The following SSPN variants were observed in gnomAD, a reference collection of about 807,000 sequenced individuals.
SSPN encodes sarcospan, also known as K-ras oncogene-associated protein.
In SSPN, 15 loss-of-function variants were observed where a neutral mutation model predicts 19.1. That is an observed-to-expected ratio of 0.78 (90% CI 0.52 to 1.21). SSPN has a LOEUF of 1.21. Ranked by LOEUF, SSPN falls within the 50% of genes most tolerant of loss-of-function variation. The pLI is 0.00. For missense variants in SSPN, 291 were observed against 314.0 expected, an observed-to-expected ratio of 0.93 and a Z score of 0.55; for synonymous variants, 147 against 140.3, an observed-to-expected ratio of 1.05 and a Z score of -0.34.
At chr12:26,122,288 GGCGGCGGCGGCAGCGGCGGCGGCGGCT>G (rs756645873) in intron 1 of SSPN, 2 of 1,196,938 alleles carry the variant, frequency 1.7e-6, no homozygotes, top group Non-Finnish European at 2.1e-6. Context: ...GGAACGCGGC[GGCGGCGGCGGCAGCGGCGGCGGCGGCT>G]GCCGCGGCTG....
intron 1 of SSPN, among the ~76,000 whole-genome samples, chr12:26,203,339 G>A (rs1429596093): frequency 6.6e-6 from 1 of 152,124 alleles, no homozygotes; most frequent in Non-Finnish European, 1.5e-5. Context: ...ATCCAGAGCT[G>A]GATGGGACCT....
intron 1 of SSPN, among the ~76,000 whole-genome samples, chr12:26,162,388 C>A (rs934666593): frequency 2.0e-5 from 3 of 152,146 alleles, no homozygotes; most frequent in Admixed American, 2.0e-4. Context: ...ATTTGCTATT[C>A]TTATCCTCAG....
At chr12:26,135,506 G>A (rs2137400315) in intron 1 of SSPN, among the ~76,000 whole-genome samples, 1 of 152,224 alleles carries the variant, frequency 6.6e-6, no homozygotes, top group East Asian at 1.9e-4. Flanking sequence ...CAGGTCTGGA[G>A]GATGCGCTAC....
intron 1 of SSPN, among the ~76,000 whole-genome samples, chr12:26,161,601 A>G (rs529748467): frequency 5.7e-4 from 87 of 152,236 alleles, no homozygotes; most frequent in Non-Finnish European, 1.1e-3. Context: ...TATTGTTAGC[A>G]TCCCCAAATT....
At chr12:26,164,746 C>G (rs751910647) in intron 1 of SSPN, among the ~76,000 whole-genome samples, 8 of 152,034 alleles carry the variant, frequency 5.3e-5, no homozygotes, top group Non-Finnish European at 1.0e-4. Context: ...TTAAATTTTA[C>G]CCTGTTTTTG....
chr12:26,140,649 T>C (rs1174352012), intron 1 of SSPN, among the ~76,000 whole-genome samples: 4 of 152,128 alleles, frequency 2.6e-5, no homozygotes, highest in African/African-American at 9.7e-5. Flanking sequence ...TGTTTAAAAT[T>C]GTGTAGCACC....
intron 1 of SSPN, among the ~76,000 whole-genome samples, chr12:26,197,822 C>T (rs1291170493): frequency 2.0e-5 from 3 of 152,184 alleles, no homozygotes; most frequent in Non-Finnish European, 2.9e-5. Context: ...GTACATAGCC[C>T]TGATGAAATC....
At chr12:26,160,225 A>G (rs1944579637) in intron 1 of SSPN, among the ~76,000 whole-genome samples, 1 of 152,174 alleles carries the variant, frequency 6.6e-6, no homozygotes, top group African/African-American at 2.4e-5. Context: ...ACATAGGGTG[A>G]CTCTGTCTAT....
At chr12:26,124,261 C>A in intron 1 of SSPN, 2 of 559,558 alleles carry the variant, frequency 3.6e-6, no homozygotes, top group Non-Finnish European at 6.2e-6. Context: ...CTGCCCCCCC[C>A]GCCCCCCCAC....
intron 1 of SSPN, among the ~76,000 whole-genome samples, chr12:26,201,019 A>ATATATATATATATAT (rs1944873843): frequency 6.7e-5 from 3 of 44,784 alleles, no homozygotes; most frequent in Admixed American, 2.6e-4. Context: ...GTGTATATAT[A>ATATATATATATATAT]TATATATATA....
rs191036623 is a variant in SSPN, at chr12:26,221,403, A to G, written c.280-2890A>G. Reference sequence around the variant, plus strand: ...TCCCACTGGACTGGGAGATCCTTAGATGCTGGATAGTCCTTGGTGTAAGGG... The same window carrying G: ...TCCCACTGGACTGGGAGATCCTTAGGTGCTGGATAGTCCTTGGTGTAAGGG... On this transcript the variant is annotated intron_variant, in intron 1 of 2. Coordinates refer to ENST00000242729, the MANE Select transcript of SSPN (RefSeq NM_005086.5). Among the ~76,000 whole-genome samples, 60 of 152,272 alleles carry G rather than the reference A, an allele frequency of 3.9e-4. No homozygotes were observed. The East Asian group carries it at 9.5e-3, about 24-fold the overall frequency.
intron 1 of SSPN, among the ~76,000 whole-genome samples, chr12:26,123,419 C>G (rs935207387): frequency 6.6e-6 from 1 of 152,184 alleles, no homozygotes; most frequent in Non-Finnish European, 1.5e-5. Context: ...CACTTTAAAT[C>G]CTGATTCCTC....
At chr12:26,208,972 A>G (rs1944956282) in intron 1 of SSPN, among the ~76,000 whole-genome samples, 1 of 152,156 alleles carries the variant, frequency 6.6e-6, no homozygotes, top group Non-Finnish European at 1.5e-5. Context: ...GCATCTTGTT[A>G]TAAAGATGAT....
At chr12:26,146,362 A>G (rs1303072168) in intron 1 of SSPN, among the ~76,000 whole-genome samples, 1 of 151,884 alleles carries the variant, frequency 6.6e-6, no homozygotes, top group Non-Finnish European at 1.5e-5. Flanking sequence ...CCTCGTTCTG[A>G]CTCCTGTTGT....
intron 1 of SSPN, among the ~76,000 whole-genome samples, chr12:26,155,667 A>T (rs1319198457): frequency 6.6e-6 from 1 of 152,228 alleles, no homozygotes. Flanking sequence ...CATGAAGGCA[A>T]ATCATTCATG....
chr12:26,195,828 C>T lies in SSPN; in HGVS notation c.156C>T (p.Phe52=). ...CCCGGACCTGCTGCGGCTGCCGGTTCCCGCTGCTGCTCGCCCTGCTGCAGC... is the reference window on the plus strand; with the variant it reads ...CCCGGACCTGCTGCGGCTGCCGGTTTCCGCTGCTGCTCGCCCTGCTGCAGC... ...EEPRTCCGCR[F]PLLLALLQLA... The change falls in exon 1 of 3, where the codon TTC becomes TTT. Residue 52 remains phenylalanine (F), a synonymous_variant. Coordinates refer to ENST00000242729, the MANE Select transcript of SSPN (RefSeq NM_005086.5). 1.3e-6 allele frequency: 2 copies of T among 1,538,412 alleles called. No individual in the cohort carries two copies. Among genetic ancestry groups the T allele is most frequent in the Non-Finnish European group, 1.7e-6 (2 of 1,145,800 alleles).
intron 1 of SSPN, among the ~76,000 whole-genome samples, chr12:26,166,610 T>C (rs1346219351): frequency 1.3e-5 from 2 of 152,238 alleles, no homozygotes; most frequent in African/African-American, 4.8e-5. Context: ...TGAAAACGAA[T>C]TATATTTCAT....
chr12:26,148,802 G>A (rs1944508273), intron 1 of SSPN, among the ~76,000 whole-genome samples: 2 of 152,142 alleles, frequency 1.3e-5, no homozygotes, highest in South Asian at 2.1e-4. Context: ...GATGTTACGA[G>A]AATTACAGTG....
At chr12:26,190,551 C>T (rs920005975), upstream of SSPN, among the ~76,000 whole-genome samples, 1 of 152,114 alleles carries the variant, frequency 6.6e-6, no homozygotes, top group Non-Finnish European at 1.5e-5. Flanking sequence ...GAATATTTGA[C>T]CCACAGAAAC....
Sources: gnomAD v4.1 joint callset for allele counts (sites outside exome capture counted in the v4.1 genomes callset) on GRCh38, gnomAD v4.1.1 for gene constraint, MANE v1.5 for transcripts, NCBI Gene and HGNC (gene_info 2026-07-23, HGNC 2026-07-21) for gene names.